The following GRIK4 variants were observed in gnomAD, a reference collection of about 807,000 sequenced individuals.
GRIK4 encodes the protein glutamate receptor ionotropic, kainate 4.
Under a neutral mutation model 104.9 loss-of-function variants are expected in GRIK4, and 40 were observed. The ratio of observed to expected loss-of-function variants is 0.38; its 90% CI spans 0.30 to 0.50. The LOEUF (loss-of-function observed/expected upper bound fraction) is 0.50, where lower values mean the gene tolerates loss of function less well. Among genes scored for constraint, GRIK4 ranks in the 20% least tolerant of loss-of-function variants. The pLI is 0.93. For missense variants in GRIK4, 1,047 were observed against 1,308.1 expected (o/e 0.80, Z 3.08); for synonymous variants, 485 against 524.9 (o/e 0.92, Z 1.04).
chr11:120,818,037 C>T (rs865866931), intron 5 of GRIK4, among the ~76,000 whole-genome samples: 14 of 152,254 alleles, frequency 9.2e-5, no homozygotes, highest in African/African-American at 3.4e-4. Flanking sequence ...CTGAAAATCA[C>T]ACAGCAGAAC....
At chr11:120,920,901 C>T (rs1218883832) in intron 13 of GRIK4, among the ~76,000 whole-genome samples, 1 of 152,208 alleles carries the variant, frequency 6.6e-6, no homozygotes, top group Non-Finnish European at 1.5e-5. Flanking sequence ...CCAGAGTCTA[C>T]ATCTCTGCAT....
At chr11:120,773,488 C>T (rs1174781050) in intron 3 of GRIK4, among the ~76,000 whole-genome samples, 1 of 152,206 alleles carries the variant, frequency 6.6e-6, no homozygotes, top group Non-Finnish European at 1.5e-5. Context: ...GGAGAGAAAG[C>T]TGAAAGCTGA....
At chr11:120,946,316 G>T (rs1176355174) in intron 14 of GRIK4, among the ~76,000 whole-genome samples, 2 of 152,242 alleles carry the variant, frequency 1.3e-5, no homozygotes, top group East Asian at 3.9e-4. Context: ...AAGCCAAACT[G>T]GGATTAAGTG....
intron 1 of GRIK4, among the ~76,000 whole-genome samples, chr11:120,528,327 G>A (rs1327838475): frequency 6.6e-6 from 1 of 152,032 alleles, no homozygotes; most frequent in Non-Finnish European, 1.5e-5. Context: ...TAGCCAGGAT[G>A]GTCTTGATCT....
rs1230473820 is a variant in GRIK4 at position 120,555,693 on chromosome 11, C to T, written c.-159+43806C>T. 6.6e-6 allele frequency among the ~76,000 whole-genome samples: 1 copy of T among 152,226 alleles called. No individual in the cohort carries two copies. The highest frequency in any genetic ancestry group is 1.5e-5 in the Non-Finnish European group (1 of 68,042). The stretch of plus-strand genomic sequence containing the variant: ...GGCAGAGGGGAGGTCTGCCCTCCTT[C>T]TGCCCAGGGTCCTTTCGACTTCTCA... On this transcript the variant is annotated intron_variant, in intron 1 of 20. Coordinates refer to ENST00000527524, the MANE Select transcript of GRIK4 (RefSeq NM_014619.5). The surrounding 1 kb of genome is among the most constrained non-coding windows in gnomAD (Gnocchi z 5.3).
chr11:120,840,319 A>G (rs1016363007), intron 8 of GRIK4, among the ~76,000 whole-genome samples: 3 of 152,170 alleles, frequency 2.0e-5, no homozygotes. Context: ...CCTTTTATTT[A>G]TATTATCTAT....
At chr11:120,942,310 T>G in intron 14 of GRIK4, among the ~76,000 whole-genome samples, 1 of 152,170 alleles carries the variant, frequency 6.6e-6, no homozygotes, top group South Asian at 2.1e-4. Context: ...CTGTTGGTAC[T>G]CACTAGGCAG....
intron 3 of GRIK4, among the ~76,000 whole-genome samples, chr11:120,775,444 G>A (rs1055067469): frequency 6.6e-6 from 1 of 152,210 alleles, no homozygotes; most frequent in South Asian, 2.1e-4. Flanking sequence ...GACTTGGGTA[G>A]AGTCCCTACC....
At chr11:120,745,329 A>AT (rs974189651) in intron 3 of GRIK4, among the ~76,000 whole-genome samples, 7 of 151,758 alleles carry the variant, frequency 4.6e-5, no homozygotes, top group East Asian at 1.9e-4. Context: ...AAATCTATAA[A>AT]TTTTTTTTTC....
At chr11:120,907,325 A>G (rs922934251) in intron 13 of GRIK4, among the ~76,000 whole-genome samples, 6 of 152,122 alleles carry the variant, frequency 3.9e-5, no homozygotes, top group East Asian at 1.9e-4. Flanking sequence ...GTGCACAGCC[A>G]TCTCCTTATT....
intron 3 of GRIK4, among the ~76,000 whole-genome samples, chr11:120,712,123 A>G (rs1296544322): frequency 6.6e-6 from 1 of 152,230 alleles, no homozygotes; most frequent in African/African-American, 2.4e-5. Context: ...CTGTAAAGTA[A>G]GGTGAATACT....
chr11:120,900,152 G>T (rs554700091), intron 12 of GRIK4, among the ~76,000 whole-genome samples: 1 of 152,320 alleles, frequency 6.6e-6, no homozygotes, highest in Admixed American at 6.5e-5. Flanking sequence ...ATTGACGATG[G>T]GCTCTGAAAG....
chr11:120,764,065 T>C (rs1233648120), intron 3 of GRIK4, among the ~76,000 whole-genome samples: 5 of 152,202 alleles, frequency 3.3e-5, no homozygotes, highest in African/African-American at 7.2e-5. Context: ...CCCACTATTA[T>C]TGTATGGGAG....
Position 120,819,635 on chromosome 11 carries a change from G to C in GRIK4, c.346-120G>C, listed in dbSNP as rs948986783. 1 of 866,164 alleles carries C rather than the reference G, an allele frequency of 1.2e-6. No individual in the cohort carries two copies. Among genetic ancestry groups the C allele is most frequent in the Admixed American group, 2.0e-5 (1 of 51,148 alleles). 53.7% of individuals were successfully genotyped at this position (866,164 alleles called of 1,614,324 possible). On this transcript the variant is annotated intron_variant, in intron 5 of 20. Coordinates refer to ENST00000527524, the MANE Select transcript of GRIK4 (RefSeq NM_014619.5). The surrounding 1 kb of genome is among the most constrained non-coding windows in gnomAD (Gnocchi z 4.3). ...CCTGGGAGCTCCTTCTCCCATTGGT[G>C]TCTGGCGAAGGTGTTACATAAAAGA...
intron 1 of GRIK4, among the ~76,000 whole-genome samples, chr11:120,645,534 A>C (rs561579989): frequency 1.3e-5 from 2 of 152,260 alleles, no homozygotes; most frequent in African/African-American, 4.8e-5. Flanking sequence ...GCTTAATATC[A>C]AAGAGGCTGC....
In GRIK4 at chr11:120,905,539, G is replaced by GGGGGGGGC; in HGVS notation, c.1476+46_1476+47insGGGGGGGC. 1 of 503,044 alleles carries GGGGGGGGC rather than the reference G, an allele frequency of 2.0e-6. No individual in the cohort carries two copies. The highest frequency in any genetic ancestry group is 4.0e-6 in the Non-Finnish European group (1 of 248,896). The allele number at this position is 503,044 out of a possible 1,614,324, so 31.2% of individuals were successfully genotyped here. A position where few individuals can be genotyped will look rare whatever the true frequency, so the allele number is the denominator to read the frequency against. The stretch of plus-strand genomic sequence containing the variant: ...CTGGGCCTGAGGGTGGGCTGGGAGG[G>GGGGGGGGC]ATTGGAAGAGCATGAGGTTGTGCTG... On this transcript the variant is annotated intron_variant, in intron 13 of 20. Transcript: ENST00000527524. The surrounding 1 kb of genome is among the most constrained non-coding windows in gnomAD (Gnocchi z 5.1).
chr11:120,683,582 C>T (rs1041193336), intron 3 of GRIK4, among the ~76,000 whole-genome samples: 2 of 151,818 alleles, frequency 1.3e-5, no homozygotes, highest in Admixed American at 6.6e-5. Flanking sequence ...GGGACCAGGC[C>T]GTGTCCTAGG....
intron 14 of GRIK4, among the ~76,000 whole-genome samples, chr11:120,945,114 G>C (rs894340267): frequency 1.3e-5 from 2 of 152,114 alleles, no homozygotes; most frequent in African/African-American, 2.4e-5. Context: ...TTGCCTGCAA[G>C]CACCTTTGCC....
chr11:120,798,157 C>CTT (rs539833846), intron 3 of GRIK4, among the ~76,000 whole-genome samples: 13,386 of 67,668 alleles, frequency 0.2, 1,454 homozygotes, highest in East Asian at 0.29. Context: ...TCTGCTGTCT[C>CTT]TTTTTTTTTT....
Sources: allele counts gnomAD v4.1 joint callset (sites outside exome capture counted in the v4.1 genomes callset), GRCh38; gene constraint gnomAD v4.1.1; non-coding constraint Gnocchi (gnomAD v3.1); transcripts MANE v1.5; gene names NCBI Gene and HGNC (gene_info 2026-07-23, HGNC 2026-07-21).